CASP8: variants seen among roughly 807,000 people sequenced by gnomAD.
CASP8 encodes caspase 8.
A neutral mutation model predicts 46.3 loss-of-function variants in CASP8; 24 were observed. The observed-to-expected ratio is 0.52, with a 90% CI of 0.38 to 0.73. CASP8 has a LOEUF of 0.73. Among genes scored for constraint, CASP8 ranks in the 30% least tolerant of loss-of-function variants. CASP8 has a pLI of 0.00. For synonymous variants in CASP8, 188 were observed against 200.4 expected, an observed-to-expected ratio of 0.94 and a Z score of 0.52; for missense variants, 460 against 559.0, an observed-to-expected ratio of 0.82 and a Z score of 1.79.
Position 201,284,829 on chromosome 2 carries a change from G to C in CASP8, c.816G>C (p.Thr272=), listed in dbSNP as rs757244692. The C allele has an allele frequency of 6.2e-7, 1 of 1,613,904 alleles. No homozygotes were observed. Among genetic ancestry groups the C allele is most frequent in the Admixed American group, 1.7e-5 (1 of 59,994 alleles). ...TTCACTTTTCAGGGGCTTTGACCAC[G>C]ACCTTTGAAGAGCTTCATTTTGAGA... ...GTHLDAGALT[T]TFEELHFEIK... The change falls in exon 8 of 9, where the codon ACG becomes ACC. Residue 272 remains threonine (T), a synonymous_variant. Transcript: ENST00000673742.
chr2:201,267,631 G>C (rs1459892012), intron 2 of CASP8, among the ~76,000 whole-genome samples: 1 of 152,208 alleles, frequency 6.6e-6, no homozygotes, highest in African/African-American at 2.4e-5. Context: ...TCATGATGCT[G>C]TGACAAGACT....
chr2:201,245,102 C>T (rs1274134857), intron 2 of CASP8, among the ~76,000 whole-genome samples: 27 of 152,200 alleles, frequency 1.8e-4, no homozygotes, highest in Admixed American at 1.8e-3. Context: ...ATATATGCCC[C>T]ATGCTTGGGC....
At chr2:201,273,034 C>G in intron 5 of CASP8, 92 bp downstream of exon 5, 4 of 934,988 alleles carry the variant, frequency 4.3e-6, no homozygotes, top group Non-Finnish European at 7.0e-6. Flanking sequence ...ACATGCACAT[C>G]TTAACGTGCC....
intron 2 of CASP8, among the ~76,000 whole-genome samples, chr2:201,248,161 G>C (rs1258015941): frequency 6.6e-6 from 1 of 152,114 alleles, no homozygotes; most frequent in Admixed American, 6.6e-5. Context: ...TAAATCTCTC[G>C]CTTTTTCTAC....
At chr2:201,264,687 C>A (rs1947669354) in intron 1 of CASP8, among the ~76,000 whole-genome samples, 3 of 152,066 alleles carry the variant, frequency 2.0e-5, no homozygotes, top group Admixed American at 1.3e-4. Context: ...CCAGTAATAG[C>A]CTGGTGTGGT....
Position 201,283,276 on chromosome 2 carries a change from C to A in CASP8, c.803-1540C>A, listed in dbSNP as rs1222517493. Among the ~76,000 whole-genome samples, 42 of 95,198 alleles carry A rather than the reference C, an allele frequency of 4.4e-4. 1 individual carries two copies. The highest frequency in any genetic ancestry group is 1.5e-3 in the African/African-American group (40 of 27,480). The allele number at this position is 95,198 out of a possible 152,430, so 62.5% of individuals were successfully genotyped here. ...GGCTGGCCGGGCGGGGGGTTGAACCCCCACCTCCCTCCTGGACGGGGCGAC... is the reference window on the plus strand; with the variant it reads ...GGCTGGCCGGGCGGGGGGTTGAACCACCACCTCCCTCCTGGACGGGGCGAC... On this transcript the variant is annotated intron_variant, in intron 7 of 8. Coordinates refer to ENST00000673742, the MANE Select transcript of CASP8 (RefSeq NM_001372051.1).
In CASP8 at chr2:201,265,718, T is replaced by C. The variant is rs35055638; in HGVS notation, c.-26-743T>C. Among the ~76,000 whole-genome samples the C allele has an allele frequency of 2.0e-4, 31 of 152,278 alleles. 1 individual carries two copies. Among genetic ancestry groups the C allele is most frequent in the African/African-American group, 7.2e-4 (30 of 41,558 alleles). On this transcript the variant is annotated intron_variant, in intron 1 of 8. Transcript: ENST00000673742. ...TGGTACCTGGCTAGAGCTTCATCCC[T>C]TTGTCCCATCACTCTCCATCCCAGA...
intron 2 of CASP8, among the ~76,000 whole-genome samples, chr2:201,249,748 A>G (rs929836094): frequency 2.6e-5 from 4 of 152,322 alleles, no homozygotes; most frequent in Admixed American, 6.5e-5. Context: ...AAGAAAGAGC[A>G]GAAAGTAGAG....
At chr2:201,254,584 C>T (rs1397796144) in intron 2 of CASP8, among the ~76,000 whole-genome samples, 3 of 152,202 alleles carry the variant, frequency 2.0e-5, no homozygotes, top group Non-Finnish European at 4.4e-5. Context: ...AGGGCATGCA[C>T]ATTCAGGGGA....
rs1227312827 is a variant in CASP8 at position 201,266,137 on chromosome 2, AC to A, written c.-26-322del. On this transcript the variant is annotated intron_variant, in intron 1 of 8. Coordinates refer to ENST00000673742, the MANE Select transcript of CASP8 (RefSeq NM_001372051.1). The surrounding 1 kb of genome is among the most constrained non-coding windows in gnomAD (Gnocchi z 5.7). ...TGGGATTACAGGCACGTGCCTCCAC[AC>A]CTGGCTAATTTTTGCACTTTTAGTA... Among the ~76,000 whole-genome samples, 2 of 151,912 alleles carry A rather than the reference AC, an allele frequency of 1.3e-5. No individual in the cohort carries two copies. Among genetic ancestry groups the A allele is most frequent in the Non-Finnish European group, 2.9e-5 (2 of 67,972 alleles).
chr2:201,255,318 T>C (rs1301646044), intron 2 of CASP8, among the ~76,000 whole-genome samples: 2 of 152,208 alleles, frequency 1.3e-5, no homozygotes, highest in African/African-American at 4.8e-5. Context: ...CTTCAAGTGA[T>C]CCGCCTACCT....
intron 7 of CASP8, among the ~76,000 whole-genome samples, chr2:201,280,820 T>C (rs755726936): frequency 1.3e-5 from 2 of 152,262 alleles, no homozygotes; most frequent in Non-Finnish European, 2.9e-5. Flanking sequence ...GAAATAAAAA[T>C]GAGTCAGACA....
intron 7 of CASP8, among the ~76,000 whole-genome samples, chr2:201,284,232 C>G (rs528538574): frequency 3.0e-5 from 1 of 33,758 alleles, no homozygotes; most frequent in Admixed American, 2.3e-4. Context: ...ATATCCCAGA[C>G]GATGGGTGGC....
intron 1 of CASP8, chr2:201,233,967 G>A (rs556045258): frequency 1.4e-4 from 22 of 152,392 alleles, no homozygotes; most frequent in African/African-American, 5.3e-4. Context: ...GGCCCAGCCA[G>A]AGAGGCTGAC....
At chr2:201,246,806 C>T (rs1019162556) in intron 2 of CASP8, among the ~76,000 whole-genome samples, 2 of 152,168 alleles carry the variant, frequency 1.3e-5, no homozygotes, top group African/African-American at 4.8e-5. Context: ...GCAAAATGTT[C>T]TTCATTTGAC....
rs1948326092 is a variant in CASP8 at position 201,272,396 on chromosome 2, G to T, written c.412-242G>T. 6.6e-6 allele frequency among the ~76,000 whole-genome samples: 1 copy of T among 152,146 alleles called. No individual in the cohort carries two copies. The highest frequency in any genetic ancestry group is 3.4e-3 in the Middle Eastern group (1 of 294). ...CAGGAGATTTGAGCACAGGGCCTGG[G>T]GACTGGGTGACATCTGACATGGCTT... On this transcript the variant is annotated intron_variant, in intron 3 of 8. Coordinates refer to ENST00000673742, the MANE Select transcript of CASP8 (RefSeq NM_001372051.1). The surrounding 1 kb of genome is among the most constrained non-coding windows in gnomAD (Gnocchi z 4.4).
chr2:201,285,441 A>T, intron 8 of CASP8, 124 bp downstream of exon 8: 1 of 1,206,608 alleles, frequency 8.3e-7, no homozygotes, highest in Non-Finnish European at 1.2e-6. Flanking sequence ...TCACATTAAC[A>T]GGTCAGAGAA....
chr2:201,255,138 C>T (rs924701415), intron 2 of CASP8, among the ~76,000 whole-genome samples: 2 of 152,176 alleles, frequency 1.3e-5, no homozygotes, highest in African/African-American at 4.8e-5. Context: ...CGCTGGAGTG[C>T]AATGGTGTCA....
intron 2 of CASP8, chr2:201,241,191 A>C (rs976240295): frequency 4.6e-5 from 7 of 152,190 alleles, no homozygotes; most frequent in Non-Finnish European, 1.0e-4. Context: ...AACAAAGATT[A>C]GAGTAGGAAC....
Sources: gnomAD v4.1 joint callset for allele counts (sites outside exome capture counted in the v4.1 genomes callset) on GRCh38, gnomAD v4.1.1 for gene constraint, Gnocchi (gnomAD v3.1) non-coding constraint, MANE v1.5 for transcripts, NCBI Gene and HGNC (gene_info 2026-07-23, HGNC 2026-07-21) for gene names.